CSMD1: variants seen among roughly 807,000 people sequenced by gnomAD.
CSMD1 encodes the protein CUB and sushi domain-containing protein 1.
Under a neutral mutation model 417.5 loss-of-function variants are expected in CSMD1, and 213 were observed. The observed-to-expected ratio is 0.51, with a 90% CI of 0.46 to 0.57. CSMD1 has a LOEUF of 0.57. Among genes scored for constraint, CSMD1 ranks in the 20% least tolerant of loss-of-function variants. The pLI, the probability that CSMD1 is intolerant of heterozygous loss-of-function variation, is 0.00. For missense variants in CSMD1, 6,923 were observed against 4,529.7 expected (o/e 1.53, Z -15.17); for synonymous variants, 2,862 against 1,736.8 (o/e 1.65, Z -16.11).
chr8:3,269,560 C>T (rs543985831), intron 26 of CSMD1, among the ~76,000 whole-genome samples: 11 of 152,218 alleles, frequency 7.2e-5, no homozygotes, highest in Admixed American at 1.3e-4. Flanking sequence ...TGTTACATTA[C>T]TACCACTATT....
chr8:3,473,651 T>G (rs998902700), intron 11 of CSMD1, among the ~76,000 whole-genome samples: 1 of 152,198 alleles, frequency 6.6e-6, no homozygotes, highest in African/African-American at 2.4e-5. Flanking sequence ...TGGCTTTGAT[T>G]AAATACAGTA....
rs76292307 is a variant in CSMD1, at chr8:3,048,346, C to T, written c.7660+4116G>A. Among the ~76,000 whole-genome samples, 1,308 of 152,082 alleles carry T rather than the reference C, an allele frequency of 8.6e-3. 12 individuals carry two copies. The highest frequency in any genetic ancestry group is 0.016 in the South Asian group (79 of 4,816). On this transcript the variant is annotated intron_variant, in intron 50 of 69. Transcript: ENST00000635120. ...CATATTCTGTCGTAGCCAAATAAAA[C>T]GGAGGTAAGAAGACATTATGTTACT...
chr8:3,863,395 C>CAAAAAA (rs35446566), intron 5 of CSMD1, among the ~76,000 whole-genome samples: 1 of 90,318 alleles, frequency 1.1e-5, no homozygotes. Context: ...ATACTCTGCT[C>CAAAAAA]AAAAAAAAAA....
intron 50 of CSMD1, among the ~76,000 whole-genome samples, chr8:3,040,966 T>G (rs1811051958): frequency 6.6e-6 from 1 of 152,170 alleles, no homozygotes; most frequent in African/African-American, 2.4e-5. Flanking sequence ...CTACAGAAGT[T>G]CCAGTGTCAT....
intron 7 of CSMD1, among the ~76,000 whole-genome samples, chr8:3,698,569 C>T (rs1202096209): frequency 6.6e-6 from 1 of 152,360 alleles, no homozygotes. Flanking sequence ...AGAAATCACT[C>T]TGGCCTACTA....
intron 7 of CSMD1, among the ~76,000 whole-genome samples, chr8:3,680,410 T>C (rs561290404): frequency 1.3e-4 from 20 of 151,848 alleles, no homozygotes; most frequent in African/African-American, 3.9e-4. Context: ...TATTAACACC[T>C]CTACGCAAAT....
At chr8:3,829,872 T>C (rs1447829044) in intron 5 of CSMD1, among the ~76,000 whole-genome samples, 3 of 152,178 alleles carry the variant, frequency 2.0e-5, no homozygotes, top group East Asian at 1.9e-4. Context: ...TAGAAAACAC[T>C]GTTATGTGAA....
chr8:3,198,221 A>C (rs1394754537), intron 33 of CSMD1, among the ~76,000 whole-genome samples: 2 of 152,194 alleles, frequency 1.3e-5, no homozygotes, highest in African/African-American at 4.8e-5. Flanking sequence ...GATGGGATAG[A>C]TTTTATAATC....
At chr8:4,761,031 C>T (rs977590978) in intron 1 of CSMD1, among the ~76,000 whole-genome samples, 3 of 152,018 alleles carry the variant, frequency 2.0e-5, no homozygotes, top group African/African-American at 7.3e-5. Context: ...TCAGAATACA[C>T]AGTATGTTGT....
chr8:3,356,327 G>T (rs1310587056), intron 21 of CSMD1, among the ~76,000 whole-genome samples: 1 of 152,196 alleles, frequency 6.6e-6, no homozygotes, highest in Non-Finnish European at 1.5e-5. Context: ...AGAACTTAGG[G>T]ATGAGGCAGA....
intron 3 of CSMD1, among the ~76,000 whole-genome samples, chr8:4,180,910 A>G (rs1179973627): frequency 6.6e-6 from 1 of 152,180 alleles, no homozygotes; most frequent in Non-Finnish European, 1.5e-5. Context: ...ATTTATTTCT[A>G]AATTTTCAAG....
At chr8:3,596,463 G>A (rs989525067) in intron 8 of CSMD1, among the ~76,000 whole-genome samples, 2 of 152,094 alleles carry the variant, frequency 1.3e-5, no homozygotes, top group Non-Finnish European at 2.9e-5. Flanking sequence ...AGACTCAGAG[G>A]GCCCTCTGCT....
chr8:4,395,510 C>T (rs1331615701), intron 3 of CSMD1, among the ~76,000 whole-genome samples: 1 of 151,436 alleles, frequency 6.6e-6, no homozygotes, highest in Non-Finnish European at 1.5e-5. Context: ...TCACTCCCTA[C>T]ACCAGTTCCC....
At chr8:3,760,705 G>A (rs114606354) in intron 5 of CSMD1, among the ~76,000 whole-genome samples, 1 of 151,696 alleles carries the variant, frequency 6.6e-6, no homozygotes, top group Non-Finnish European at 1.5e-5. Flanking sequence ...ATATCGCTTT[G>A]TTTGAGTACT....
intron 18 of CSMD1, among the ~76,000 whole-genome samples, chr8:3,377,252 T>A (rs1281217139): frequency 6.6e-6 from 1 of 152,180 alleles, no homozygotes; most frequent in East Asian, 1.9e-4. Context: ...GCCTCAGCAA[T>A]CTATCTACCT....
At chr8:4,286,127 C>G (rs979859188) in intron 3 of CSMD1, among the ~76,000 whole-genome samples, 3 of 152,124 alleles carry the variant, frequency 2.0e-5, no homozygotes, top group Middle Eastern at 3.4e-3. Context: ...ACGATATGCG[C>G]ACATAACGTT....
At chr8:4,697,411 T>G (rs1046856631) in intron 1 of CSMD1, among the ~76,000 whole-genome samples, 1 of 152,134 alleles carries the variant, frequency 6.6e-6, no homozygotes, top group African/African-American at 2.4e-5. Context: ...AGCAAATTAG[T>G]GTATTTGGGC....
At chr8:3,982,621 A>C (rs1240325196) in intron 5 of CSMD1, among the ~76,000 whole-genome samples, 6 of 152,084 alleles carry the variant, frequency 3.9e-5, no homozygotes, top group Non-Finnish European at 7.4e-5. Context: ...GAGAGAGAAA[A>C]AAAAAAAGCC....
At chr8:4,483,436 C>G (rs527567043) in intron 2 of CSMD1, among the ~76,000 whole-genome samples, 14 of 152,282 alleles carry the variant, frequency 9.2e-5, no homozygotes, top group African/African-American at 3.4e-4. Flanking sequence ...CAAGTCATTA[C>G]CATTTAGAAA....
Sources: allele counts gnomAD v4.1 joint callset (sites outside exome capture counted in the v4.1 genomes callset), GRCh38; gene constraint gnomAD v4.1.1; transcripts MANE v1.5; gene names NCBI Gene and HGNC (gene_info 2026-07-23, HGNC 2026-07-21).